Variants in NELL2 observed in about 807,000 individuals in gnomAD.
NELL2 encodes protein kinase C-binding protein NELL2.
NELL2 carries 41 observed loss-of-function variants against 109.6 expected under a neutral mutation model. The observed-to-expected ratio is 0.37, with a 90% CI of 0.29 to 0.49. The LOEUF is 0.49. NELL2 is among the 20% of genes least tolerant of loss of function. NELL2 has a pLI of 0.98. For missense variants in NELL2, 900 were observed against 1,008.3 expected, an observed-to-expected ratio of 0.89 and a Z score of 1.45; for synonymous variants, 355 against 344.7, an observed-to-expected ratio of 1.03 and a Z score of -0.33.
chr12:44,901,047 T>C (rs1419639256), intron 1 of NELL2, among the ~76,000 whole-genome samples: 1 of 151,522 alleles, frequency 6.6e-6, no homozygotes, highest in South Asian at 2.1e-4. Flanking sequence ...ATAACTAAGA[T>C]CAGAGCAGAA....
At chr12:44,890,211 GC>G (rs1432563375) in intron 1 of NELL2, among the ~76,000 whole-genome samples, 1 of 152,198 alleles carries the variant, frequency 6.6e-6, no homozygotes, top group African/African-American at 2.4e-5. Flanking sequence ...TAAAGAAAGA[GC>G]TGCTGAGTGA....
intron 15 of NELL2, among the ~76,000 whole-genome samples, chr12:44,569,425 T>G (rs1734968792): frequency 6.6e-6 from 1 of 152,164 alleles, no homozygotes; most frequent in South Asian, 2.1e-4. Flanking sequence ...GGTCAAATGC[T>G]ATTTCTGTTT....
chr12:44,718,516 T>G (rs1022909525), intron 9 of NELL2, among the ~76,000 whole-genome samples: 1 of 152,238 alleles, frequency 6.6e-6, no homozygotes, highest in Non-Finnish European at 1.5e-5. Flanking sequence ...GTGTGGCTTG[T>G]GTATATGTGA....
At chr12:44,725,095 T>C (rs2136461085) in intron 9 of NELL2, among the ~76,000 whole-genome samples, 1 of 152,252 alleles carries the variant, frequency 6.6e-6, no homozygotes, top group African/African-American at 2.4e-5. Flanking sequence ...ACCCCTTCCT[T>C]ACACCATGTA....
chr12:44,672,610 C>T (rs757257174), intron 12 of NELL2, among the ~76,000 whole-genome samples: 2 of 152,136 alleles, frequency 1.3e-5, no homozygotes, highest in Non-Finnish European at 2.9e-5. Context: ...TGAAATACCT[C>T]AGATATCTCC....
chr12:44,574,834 ATTGAGGCCTTC>A (rs1275979895), intron 15 of NELL2, among the ~76,000 whole-genome samples: 2 of 152,178 alleles, frequency 1.3e-5, no homozygotes, highest in Non-Finnish European at 2.9e-5. Flanking sequence ...TTACTGACTC[ATTGAGGCCTTC>A]TTGAGATGTC....
chr12:44,774,747 A>C lies in NELL2; in HGVS notation c.994T>G (p.Ser332Ala). The C allele has an allele frequency of 6.2e-7, 1 of 1,611,158 alleles. No homozygotes were observed. Residue 332 changes from serine (S) to alanine (A), a missense_variant and splice_region_variant, in exon 9 of 20, where the codon TCG becomes GCG. By Grantham distance (99) the Ser-to-Ala change is moderately conservative. This residue lies in a region of NELL2 where 292 missense variants were observed against 265.3 expected (regional missense o/e 1.10). Coordinates refer to ENST00000429094, the MANE Select transcript of NELL2 (RefSeq NM_001145108.2). ...TATTCATCATAAAAGTTATGCTCAC[A>C]TTTGCATTCCTTACAGCATTTGCCA... ...VDGKCCKECK[S>A]ICQFQGRTYF...
chr12:44,901,598 A>C (rs955490295), intron 1 of NELL2, among the ~76,000 whole-genome samples: 1 of 152,198 alleles, frequency 6.6e-6, no homozygotes, highest in Non-Finnish European at 1.5e-5. Flanking sequence ...CACACACACA[A>C]AAAAGAAAAT....
upstream of NELL2, among the ~76,000 whole-genome samples, chr12:44,917,110 A>G (rs1192125368): frequency 6.6e-6 from 1 of 151,682 alleles, no homozygotes; most frequent in Non-Finnish European, 1.5e-5. Context: ...TGCTTTTAAA[A>G]CTCCCCAAGT....
intron 12 of NELL2, among the ~76,000 whole-genome samples, chr12:44,701,514 A>G (rs934959895): frequency 6.6e-6 from 1 of 152,106 alleles, no homozygotes; most frequent in Non-Finnish European, 1.5e-5. Flanking sequence ...GCTGCATTAA[A>G]CAAGTAAGGT....
At chr12:44,894,110 G>A (rs768752703) in intron 1 of NELL2, among the ~76,000 whole-genome samples, 7 of 152,250 alleles carry the variant, frequency 4.6e-5, no homozygotes, top group South Asian at 2.1e-4. Context: ...ATGGAGAATT[G>A]TTAATTATGC....
At chr12:44,529,874 GA>G (rs1941962536) in intron 16 of NELL2, among the ~76,000 whole-genome samples, 1 of 152,162 alleles carries the variant, frequency 6.6e-6, no homozygotes, top group African/African-American at 2.4e-5. Flanking sequence ...TTCTAAAGGG[GA>G]CAGAAAATTG....
intron 12 of NELL2, among the ~76,000 whole-genome samples, chr12:44,681,982 G>A (rs561165396): frequency 0.017 from 2,532 of 151,850 alleles, 46 homozygotes; most frequent in Admixed American, 0.033. Context: ...AGATCCCTGA[G>A]GAATCGCCAC....
At chr12:44,601,247 C>G (rs1007594697) in intron 15 of NELL2, among the ~76,000 whole-genome samples, 5 of 152,056 alleles carry the variant, frequency 3.3e-5, no homozygotes, top group Admixed American at 2.0e-4. Context: ...ATTTCCCCAT[C>G]ATAGTTGTTA....
chr12:44,913,722 C>G (rs1945803647), intron 1 of NELL2: 1 of 548,526 alleles, frequency 1.8e-6, no homozygotes, highest in Non-Finnish European at 3.2e-6. Flanking sequence ...AAATTCAGGT[C>G]ACTATACCCT....
chr12:44,868,888 CA>C (rs1157033225), intron 2 of NELL2, among the ~76,000 whole-genome samples: 4 of 151,104 alleles, frequency 2.6e-5, no homozygotes, highest in Non-Finnish European at 5.9e-5. Flanking sequence ...GTGTTCTCAC[CA>C]AAAAAAATTA....
At position 44,901,915 on chromosome 12, in the gene NELL2, G is replaced by C. The variant is rs551340859; in HGVS notation, c.38+11884C>G. Reference sequence around the variant, plus strand: ...TGGAACGTATCTCAAAATAATAAGAGCTATTTATGACAAACCCACAGCCAA... The same window carrying C: ...TGGAACGTATCTCAAAATAATAAGACCTATTTATGACAAACCCACAGCCAA... On this transcript the variant is annotated intron_variant, in intron 1 of 20. Transcript: ENST00000333837. Among the ~76,000 whole-genome samples, 39 of 152,180 alleles carry C rather than the reference G, an allele frequency of 2.6e-4. 1 individual carries two copies. In the East Asian group the frequency reaches 7.0e-3, roughly 27 times the overall value.
chr12:44,709,409 C>A (rs1177719960), intron 11 of NELL2, among the ~76,000 whole-genome samples: 3 of 152,144 alleles, frequency 2.0e-5, no homozygotes, highest in Non-Finnish European at 2.9e-5. Flanking sequence ...GCCTTCTAAC[C>A]ATCCCTACCC....
chr12:44,604,045 C>G (rs6582508), intron 15 of NELL2, among the ~76,000 whole-genome samples: 73,574 of 151,794 alleles, frequency 0.48, 18,873 homozygotes, highest in African/African-American at 0.66. Context: ...TTTAACTTTG[C>G]AGAGAAAAAC....
Sources: gnomAD v4.1 joint callset for allele counts (sites outside exome capture counted in the v4.1 genomes callset) on GRCh38, gnomAD v4.1.1 for gene constraint, gnomAD v4.1.1 regional missense constraint, MANE v1.5 for transcripts, NCBI Gene and HGNC (gene_info 2026-07-23, HGNC 2026-07-21) for gene names.